SAYSD1: variants seen among roughly 807,000 people sequenced by gnomAD.
The protein encoded by SAYSD1 is SAYSvFN domain-containing protein 1.
SAYSD1 carries 15 observed loss-of-function variants against 14.5 expected under a neutral mutation model. The observed-to-expected ratio is 1.03, with a 90% CI of 0.69 to 1.59. The LOEUF is 1.59. Among genes scored for constraint, SAYSD1 ranks in the 40% most tolerant of loss-of-function variants. SAYSD1 has a pLI of 0.00. For synonymous variants in SAYSD1, 105 were observed against 102.6 expected, an observed-to-expected ratio of 1.02 and a Z score of -0.14; for missense variants, 247 against 227.3, an observed-to-expected ratio of 1.09 and a Z score of -0.56.
At chr6:39,110,362 T>G in intron 1 of SAYSD1, 1 of 208,706 alleles carries the variant, frequency 4.8e-6, no homozygotes, top group South Asian at 9.8e-5. Flanking sequence ...CCAATGGCCA[T>G]GTGGAAGTGG....
At position 39,104,146 on chromosome 6, in the gene SAYSD1, T is replaced by A. The variant is rs957597812; in HGVS notation, c.*1286A>T. 1 of 152,042 alleles carries A rather than the reference T, an allele frequency of 6.6e-6. No homozygotes were observed. The highest frequency in any genetic ancestry group is 2.4e-5 in the African/African-American group (1 of 41,300). The allele number at this position is 152,042 out of a possible 1,614,324, so 9.4% of individuals were successfully genotyped here. ...TTTACATGTTCAGTTCAGACAGAAC[T>A]CATGGAAGAAAAGACTTTTCTGTGA... On this transcript the variant is annotated 3_prime_UTR_variant, in exon 2 of 2. Transcript: ENST00000229903.
At chr6:39,109,505 C>G in intron 1 of SAYSD1, 1 of 1,473,400 alleles carries the variant, frequency 6.8e-7, no homozygotes, top group Non-Finnish European at 9.0e-7. Flanking sequence ...GCAGTCAGAG[C>G]TTGGCCCAAA....
At chr6:39,107,403 C>T (rs1246634982) in intron 1 of SAYSD1, among the ~76,000 whole-genome samples, 1 of 152,128 alleles carries the variant, frequency 6.6e-6, no homozygotes, top group African/African-American at 2.4e-5. Flanking sequence ...CAGTGTCTCT[C>T]TTTTACTATA....
Position 39,114,924 on chromosome 6 carries a change from G to A in SAYSD1, c.166C>T (p.Pro56Ser), listed in dbSNP as rs1769710493. 8 of 1,613,464 alleles carry A rather than the reference G, an allele frequency of 5.0e-6. No individual in the cohort carries two copies. Among genetic ancestry groups the A allele is most frequent in the Non-Finnish European group, 6.8e-6 (8 of 1,179,900 alleles). Residue 56 changes from proline (P) to serine (S), a missense_variant, in exon 1 of 2, where the codon CCT (proline) becomes TCT (serine). Coordinates refer to ENST00000229903, the MANE Select transcript of SAYSD1 (RefSeq NM_018322.3). ...TGGGCCCGGGCACTCGCGGGCCTAG[G>A]TTTCCATACCAGGAACCGCTTTAGC... ...GWLKRFLVWK[P>S]RPASARAQPG...
chr6:39,114,796 C>A, intron 1 of SAYSD1, 87 bp downstream of exon 1: 3 of 1,385,542 alleles, frequency 2.2e-6, no homozygotes, highest in Non-Finnish European at 3.0e-6. Flanking sequence ...CCTCCGGCAG[C>A]TAGGGCCACA....
Position 39,114,973 on chromosome 6 carries a change from C to T in SAYSD1, c.117G>A (p.Ala39=), listed in dbSNP as rs931072126. 6.2e-7 allele frequency: 1 copy of T among 1,613,914 alleles called. No homozygotes were observed. The highest frequency in any genetic ancestry group is 1.1e-5 in the South Asian group (1 of 91,078). The change falls in exon 1 of 2, where the codon GCG becomes GCA. Residue 39 remains alanine (A), a synonymous_variant. Coordinates refer to ENST00000229903, the MANE Select transcript of SAYSD1 (RefSeq NM_018322.3). The stretch of plus-strand genomic sequence containing the variant: ...GCCAGCCTGGGGCTGCCTTTAGAGT[C>T]GCTGCTGCTTCCGCCTTCTCTCCTG... ...QTPGEKAEAA[A]TLKAAPGWLK... is the part of the protein sequence containing the mutation.
intron 1 of SAYSD1, among the ~76,000 whole-genome samples, chr6:39,114,540 A>T (rs1769695284): frequency 6.6e-6 from 1 of 152,242 alleles, no homozygotes; most frequent in South Asian, 2.1e-4. Flanking sequence ...CCATTAGCAG[A>T]GGGCTGTGGC....
At position 39,105,521 on chromosome 6, in the gene SAYSD1, A is replaced by C; in HGVS notation, c.463T>G (p.Phe155Val). 6.2e-7 allele frequency: 1 copy of C among 1,614,224 alleles called. No individual in the cohort carries two copies. Among genetic ancestry groups the C allele is most frequent in the Non-Finnish European group, 8.5e-7 (1 of 1,180,044 alleles). The change falls in exon 2 of 2, where the codon TTC becomes GTC. Residue 155 changes from phenylalanine (F) to valine (V), a missense_variant. Transcript: ENST00000229903. Reference protein sequence around the residue: ...KEGEKSAYSVFNPGCEAIQGT... With the variant: ...KEGEKSAYSVVNPGCEAIQGT... The stretch of plus-strand genomic sequence containing the variant: ...TGGATGGCTTCACAGCCTGGATTGA[A>C]CACAGAGTAGGCGCTCTTCTCTCCC...
chr6:39,114,779 A>AGCCCCGCCTCCGGCAGCTAGG (rs1183126596), intron 1 of SAYSD1, 104 bp downstream of exon 1: 9 of 1,151,948 alleles, frequency 7.8e-6, no homozygotes, highest in Non-Finnish European at 1.1e-5. Context: ...GGGGGCCAGT[A>AGCCCCGCCTCCGGCAGCTAGG]GCCCCGCCTC....
rs199703500 is a variant in SAYSD1 at position 39,105,772 on chromosome 6, G to A, written c.212C>T (p.Ala71Val). The change falls in exon 2 of 2, where the codon GCG becomes GTG. Residue 71 changes from alanine to valine, a missense_variant. Physicochemically the swap from Ala to Val is moderately conservative, Grantham distance 64. Transcript: ENST00000229903. ...ARAQPGLVQE[A>V]AQPQGSTSET... Reference sequence around the variant, plus strand: ...TGATGTGCTGCCCTGGGGCTGAGCCGCTTCCTAGGATACACAAACAAACAA... The same window carrying A: ...TGATGTGCTGCCCTGGGGCTGAGCCACTTCCTAGGATACACAAACAAACAA... 1.9e-5 allele frequency: 31 copies of A among 1,612,576 alleles called. 1 individual carries two copies. The highest frequency in any genetic ancestry group is 1.3e-4 in the South Asian group (12 of 90,984).
chr6:39,108,302 A>T (rs1460318633), intron 1 of SAYSD1, among the ~76,000 whole-genome samples: 2 of 151,722 alleles, frequency 1.3e-5, no homozygotes, highest in African/African-American at 4.8e-5. Context: ...AACTAGTGAT[A>T]GGCAGAGATG....
intron 1 of SAYSD1, chr6:39,113,496 T>G (rs1455631575): frequency 6.6e-6 from 1 of 152,546 alleles, no homozygotes; most frequent in African/African-American, 2.4e-5. Flanking sequence ...TCAATGAAAA[T>G]GAGCTTAAGG....
chr6:39,111,424 T>C (rs558348744), intron 1 of SAYSD1: 8 of 151,814 alleles, frequency 5.3e-5, no homozygotes, highest in Admixed American at 2.0e-4. Context: ...ACGTATATGA[T>C]AGTACATCTG....
intron 1 of SAYSD1, among the ~76,000 whole-genome samples, chr6:39,107,351 A>ACTAG (rs1769525390): frequency 6.6e-6 from 1 of 152,132 alleles, no homozygotes; most frequent in African/African-American, 2.4e-5. Context: ...CTCCCCCAGA[A>ACTAG]CTAGCTCTCC....
In SAYSD1 at chr6:39,105,694, A is replaced by C; in HGVS notation, c.290T>G (p.Phe97Cys). The change falls in exon 2 of 2, where the codon TTC (phenylalanine) becomes TGC (cysteine). Residue 97 changes from phenylalanine (F) to cysteine (C), a missense_variant. Phe to Cys is a radical substitution (Grantham distance 205). Transcript: ENST00000229903. ...IPLPSCWDQS[F>C]LTNITFLKVL... ...CTTCAAGAAGGTGATATTGGTCAGG[A>C]AAGACTGGTCCCAGCACGACGGCAG... 1 of 1,614,198 alleles carries C rather than the reference A, an allele frequency of 6.2e-7. No individual in the cohort carries two copies. Among genetic ancestry groups the C allele is most frequent in the Non-Finnish European group, 8.5e-7 (1 of 1,180,022 alleles).
intron 1 of SAYSD1, chr6:39,111,517 G>A (rs1277239678): frequency 6.6e-6 from 1 of 152,214 alleles, no homozygotes; most frequent in African/African-American, 2.4e-5. Flanking sequence ...AGAACAAAGA[G>A]TATGCTAGGC....
In SAYSD1 at chr6:39,105,012, A is replaced by C. The variant is rs1769467069; in HGVS notation, c.*420T>G. 6.5e-6 allele frequency: 1 copy of C among 152,826 alleles called. No homozygotes were observed. The highest frequency in any genetic ancestry group is 2.1e-4 in the South Asian group (1 of 4,878). 9.5% of individuals were successfully genotyped at this position (152,826 alleles called of 1,614,324 possible). A position where few individuals can be genotyped will look rare whatever the true frequency, so the allele number is the denominator to read the frequency against. On this transcript the variant is annotated 3_prime_UTR_variant, in exon 2 of 2. Transcript: ENST00000229903. Reference sequence around the variant, plus strand: ...AAACTTGCAACCTAAACTCTCCGGGAAAAAAAAAATTGCTATAAATGTTAA... The same window carrying C: ...AAACTTGCAACCTAAACTCTCCGGGCAAAAAAAAATTGCTATAAATGTTAA...
chr6:39,109,143 T>A (rs1201108703), intron 1 of SAYSD1, among the ~76,000 whole-genome samples: 1 of 152,116 alleles, frequency 6.6e-6, no homozygotes, highest in African/African-American at 2.4e-5. Flanking sequence ...GCCAGGCGAC[T>A]CCAAAGGAGA....
chr6:39,114,770 G>T, intron 1 of SAYSD1, 113 bp downstream of exon 1: 3 of 1,025,328 alleles, frequency 2.9e-6, no homozygotes, highest in Non-Finnish European at 4.4e-6. Context: ...ATCAGGATGG[G>T]GGGCCAGTAG....
Sources: allele counts gnomAD v4.1 joint callset (sites outside exome capture counted in the v4.1 genomes callset), GRCh38; gene constraint gnomAD v4.1.1; transcripts MANE v1.5; gene names NCBI Gene and HGNC (gene_info 2026-07-23, HGNC 2026-07-21).